Variants in DOCK3 observed in about 807,000 individuals in gnomAD.
DOCK3 encodes the protein dedicator of cytokinesis protein 3.
DOCK3 carries 60 observed loss-of-function variants against 265.6 expected under a neutral mutation model. That is an observed-to-expected ratio of 0.23 (90% CI 0.18 to 0.28). The LOEUF (loss-of-function observed/expected upper bound fraction) is 0.28, where lower values mean the gene tolerates loss of function less well. DOCK3 is among the 10% of genes least tolerant of loss of function. DOCK3 has a pLI of 1.00. For missense variants in DOCK3, 1,981 were observed against 2,594.3 expected (o/e 0.76, Z 5.14); for synonymous variants, 881 against 938.0 (o/e 0.94, Z 1.11).
chr3:50,744,486 G>A (rs147235186), intron 1 of DOCK3, among the ~76,000 whole-genome samples: 74 of 150,286 alleles, frequency 4.9e-4, no homozygotes, highest in African/African-American at 1.8e-3. Context: ...CCAGGGTGGA[G>A]TGCAGTGGTG....
At chr3:51,218,731 A>G (rs1560228275) in intron 14 of DOCK3, among the ~76,000 whole-genome samples, 1 of 152,194 alleles carries the variant, frequency 6.6e-6, no homozygotes, top group Non-Finnish European at 1.5e-5. Context: ...TAAGAAGTCC[A>G]TCTATGATTT....
intron 12 of DOCK3, among the ~76,000 whole-genome samples, chr3:51,175,921 T>G (rs1400614251): frequency 6.6e-6 from 1 of 152,206 alleles, no homozygotes; most frequent in Non-Finnish European, 1.5e-5. Context: ...ATCTGCCATG[T>G]CCATTATCAA....
intron 5 of DOCK3, among the ~76,000 whole-genome samples, chr3:50,976,744 G>A (rs1176127354): frequency 6.7e-6 from 1 of 149,884 alleles, no homozygotes; most frequent in African/African-American, 2.4e-5. Flanking sequence ...ACAGTGGGGT[G>A]TTAAAGTCTC....
chr3:50,767,921 G>A (rs1166445132), intron 1 of DOCK3, among the ~76,000 whole-genome samples: 2 of 152,048 alleles, frequency 1.3e-5, no homozygotes, highest in East Asian at 1.9e-4. Context: ...CTCTCTGTCC[G>A]TTATTGGTGT....
At chr3:50,879,372 T>G (rs1575429406) in intron 3 of DOCK3, among the ~76,000 whole-genome samples, 2 of 152,112 alleles carry the variant, frequency 1.3e-5, no homozygotes, top group East Asian at 3.8e-4. Context: ...GTGTGCTATA[T>G]TCAGGAGACC....
At chr3:51,323,501 A>G (rs2083881797) in intron 32 of DOCK3, among the ~76,000 whole-genome samples, 2 of 152,176 alleles carry the variant, frequency 1.3e-5, no homozygotes, top group Non-Finnish European at 2.9e-5. Flanking sequence ...ATCATAACAA[A>G]CAGTCTCTCA....
intron 1 of DOCK3, among the ~76,000 whole-genome samples, chr3:50,738,164 G>A (rs2038768453): frequency 6.6e-6 from 1 of 152,162 alleles, no homozygotes; most frequent in African/African-American, 2.4e-5. Flanking sequence ...GTCAGCGGGT[G>A]GGTGTGCCTG....
At chr3:50,882,080 TG>T (rs2048069026) in intron 3 of DOCK3, among the ~76,000 whole-genome samples, 1 of 152,214 alleles carries the variant, frequency 6.6e-6, no homozygotes, top group East Asian at 1.9e-4. Flanking sequence ...AAGCTGAAAC[TG>T]GATCCCTTCC....
intron 4 of DOCK3, among the ~76,000 whole-genome samples, chr3:50,928,507 C>A (rs2050890288): frequency 6.6e-6 from 1 of 152,018 alleles, no homozygotes; most frequent in African/African-American, 2.4e-5. Context: ...AATAATATTC[C>A]ATTGCACTTA....
chr3:51,077,072 T>G (rs2082080747), intron 7 of DOCK3, among the ~76,000 whole-genome samples: 2 of 152,076 alleles, frequency 1.3e-5, no homozygotes, highest in South Asian at 4.1e-4. Context: ...TGCAAAAGAC[T>G]GGAATGAGGG....
At chr3:51,294,725 T>G (rs1576686418) in intron 27 of DOCK3, among the ~76,000 whole-genome samples, 1 of 143,520 alleles carries the variant, frequency 7.0e-6, no homozygotes. Flanking sequence ...GAAAAGTAGA[T>G]AGTAGAATGA....
At chr3:50,955,974 A>AT (rs1489820712) in intron 5 of DOCK3, among the ~76,000 whole-genome samples, 1 of 151,858 alleles carries the variant, frequency 6.6e-6, no homozygotes, top group Non-Finnish European at 1.5e-5. Context: ...AGTATTTGGA[A>AT]TTTTCCCTTT....
intron 2 of DOCK3, chr3:50,787,002 C>A: frequency 1.3e-6 from 1 of 741,784 alleles, no homozygotes; most frequent in Non-Finnish European, 2.5e-6. Context: ...TGAGCCATGG[C>A]ATAGAATTTT....
At chr3:50,999,491 A>G (rs2078397613) in intron 5 of DOCK3, among the ~76,000 whole-genome samples, 1 of 152,226 alleles carries the variant, frequency 6.6e-6, no homozygotes, top group Non-Finnish European at 1.5e-5. Context: ...TATGATCTCT[A>G]AAATTTAGAG....
intron 1 of DOCK3, among the ~76,000 whole-genome samples, chr3:50,761,739 G>A (rs753789479): frequency 2.0e-5 from 3 of 152,006 alleles, no homozygotes; most frequent in South Asian, 2.1e-4. Flanking sequence ...TAAAATGTCC[G>A]TTCCCATCCC....
At chr3:51,287,744 A>T (rs1413514551) in intron 27 of DOCK3, among the ~76,000 whole-genome samples, 1 of 152,202 alleles carries the variant, frequency 6.6e-6, no homozygotes, top group African/African-American at 2.4e-5. Flanking sequence ...CTCAACTTAA[A>T]AAAGAACTAC....
intron 27 of DOCK3, among the ~76,000 whole-genome samples, chr3:51,286,539 G>C (rs539767796): frequency 1.9e-3 from 292 of 152,238 alleles, no homozygotes; most frequent in African/African-American, 6.7e-3. Context: ...AACAAAGCTG[G>C]AGGCATGACA....
At chr3:50,885,168 C>T (rs950767259) in intron 3 of DOCK3, among the ~76,000 whole-genome samples, 1 of 152,132 alleles carries the variant, frequency 6.6e-6, no homozygotes, top group African/African-American at 2.4e-5. Context: ...AGATTGATTT[C>T]TTTCACTTAG....
chr3:51,154,972 T>C (rs2085776442), intron 10 of DOCK3, among the ~76,000 whole-genome samples: 1 of 152,024 alleles, frequency 6.6e-6, no homozygotes, highest in South Asian at 2.1e-4. Flanking sequence ...CTGAATTTAT[T>C]TATTTTTTAT....
Sources: allele counts gnomAD v4.1 joint callset (sites outside exome capture counted in the v4.1 genomes callset), GRCh38; gene constraint gnomAD v4.1.1; transcripts MANE v1.5; gene names NCBI Gene and HGNC (gene_info 2026-07-23, HGNC 2026-07-21).